Variants in RLIG1 observed in about 807,000 individuals in gnomAD.
RLIG1 encodes the protein RNA ligase 1.
the RLIG1 span, chr12:88,040,286 T>TTG: frequency 1.6e-6 from 2 of 1,275,996 alleles, no homozygotes; most frequent in Non-Finnish European, 2.2e-6. Context: ...ACTATAATAT[T>TTG]TACTACAAAT....
At chr12:88,039,990 C>T in the RLIG1 span, among the ~76,000 whole-genome samples, 5 of 152,128 alleles carry the variant, frequency 3.3e-5, no homozygotes, top group African/African-American at 7.2e-5. Flanking sequence ...GCAAACAATT[C>T]GGAACTTCAC....
chr12:88,049,343 A>C, the RLIG1 span: 2 of 1,580,192 alleles, frequency 1.3e-6, no homozygotes, highest in Non-Finnish European at 1.7e-6. Context: ...AATTATACTT[A>C]AGATCTTCAA....
the RLIG1 span, chr12:88,036,101 C>G: frequency 7.5e-7 from 1 of 1,340,190 alleles, no homozygotes; most frequent in South Asian, 1.2e-5. Context: ...AGCTTTACTA[C>G]TTTTCAAGAG....
the RLIG1 span, among the ~76,000 whole-genome samples, chr12:88,047,714 G>A: frequency 6.6e-6 from 1 of 152,016 alleles, no homozygotes; most frequent in African/African-American, 2.4e-5. Context: ...GCATAAATCT[G>A]TTCAGTTACA....
chr12:88,036,302 C>T, the RLIG1 span, among the ~76,000 whole-genome samples: 7 of 152,072 alleles, frequency 4.6e-5, no homozygotes, highest in Non-Finnish European at 1.0e-4. Context: ...AGTGTGCCCT[C>T]GGTAAATGCT....
chr12:88,036,883 ATC>A, the RLIG1 span, among the ~76,000 whole-genome samples: 1 of 151,952 alleles, frequency 6.6e-6, no homozygotes, highest in South Asian at 2.1e-4. Context: ...AAACATTATC[ATC>A]TGTTTTAGTA....
At chr12:88,037,045 C>T in the RLIG1 span, among the ~76,000 whole-genome samples, 1 of 152,188 alleles carries the variant, frequency 6.6e-6, no homozygotes, top group Non-Finnish European at 1.5e-5. Context: ...CATCCACATT[C>T]TTAATTATAA....
chr12:88,049,530 A>G, the RLIG1 span: 1 of 640,220 alleles, frequency 1.6e-6, no homozygotes, highest in South Asian at 2.0e-5. Flanking sequence ...GGTCAAATAC[A>G]GCAATAAAGG....
chr12:88,035,961 A>G, the RLIG1 span: 5 of 1,523,662 alleles, frequency 3.3e-6, no homozygotes, highest in Non-Finnish European at 3.5e-6. Flanking sequence ...TTGCGAAAGA[A>G]TTTTCCTTAT....
chr12:88,037,634 C>T, the RLIG1 span, among the ~76,000 whole-genome samples: 5 of 152,072 alleles, frequency 3.3e-5, no homozygotes, highest in South Asian at 2.1e-4. Context: ...TTAGTGAAAA[C>T]CAGTTGTATT....
At chr12:88,038,164 G>T in the RLIG1 span, among the ~76,000 whole-genome samples, 1 of 152,090 alleles carries the variant, frequency 6.6e-6, no homozygotes, top group African/African-American at 2.4e-5. Flanking sequence ...AACTAAAATG[G>T]TTCTGAAGTA....
chr12:88,035,995 C>A, the RLIG1 span: 14 of 1,506,818 alleles, frequency 9.3e-6, no homozygotes, highest in South Asian at 9.7e-5. Context: ...CTTGTCCTCG[C>A]AAGGAAATGG....
chr12:88,043,754 T>A, the RLIG1 span: 1 of 1,371,532 alleles, frequency 7.3e-7, no homozygotes, highest in East Asian at 2.4e-5. Flanking sequence ...TTGTGTTTAC[T>A]AGTAAAATGA....
chr12:88,049,681 T>G, the RLIG1 span: 2 of 269,256 alleles, frequency 7.4e-6, no homozygotes, highest in Non-Finnish European at 1.4e-5. Context: ...GGACTTAATC[T>G]TTCTCTAAAA....
chr12:88,042,568 C>T, the RLIG1 span: 3 of 252,010 alleles, frequency 1.2e-5, no homozygotes, highest in Non-Finnish European at 2.2e-5. Flanking sequence ...CTAACTCATA[C>T]AATATGACTA....
the RLIG1 span, chr12:88,036,206 T>G: frequency 1.8e-6 from 1 of 556,196 alleles, no homozygotes; most frequent in African/African-American, 2.0e-5. Flanking sequence ...GTCACTGAAG[T>G]TCACACCTCA....
chr12:88,043,808 GTCT>G, the RLIG1 span: 2 of 882,508 alleles, frequency 2.3e-6, no homozygotes, highest in South Asian at 3.0e-5. Context: ...TTTAATCTGG[GTCT>G]TCATTAATAT....
the RLIG1 span, chr12:88,045,827 A>G: frequency 5.9e-5 from 88 of 1,483,388 alleles, no homozygotes; most frequent in Admixed American, 1.3e-3. Context: ...GACATTTATA[A>G]AGAGAACTTT....
the RLIG1 span, chr12:88,047,039 T>C: frequency 7.1e-7 from 1 of 1,416,964 alleles, no homozygotes; most frequent in Admixed American, 2.4e-5. Flanking sequence ...AGAGTAGAAG[T>C]GACACTAAAA....
Sources: allele counts gnomAD v4.1 joint callset (sites outside exome capture counted in the v4.1 genomes callset), GRCh38; gene constraint gnomAD v4.1.1; transcripts MANE v1.5; gene names NCBI Gene and HGNC (gene_info 2026-07-23, HGNC 2026-07-21).